ZDHHC20: variants seen among roughly 807,000 people sequenced by gnomAD.
The protein encoded by ZDHHC20 is zDHHC palmitoyltransferase 20.
ZDHHC20 carries 43 observed loss-of-function variants against 57.8 expected under a neutral mutation model. The observed-to-expected ratio is 0.74, with a 90% confidence interval of 0.58 to 0.96. The LOEUF (loss-of-function observed/expected upper bound fraction) is 0.96. Ranked by LOEUF, ZDHHC20 falls within the 40% of genes least tolerant of loss-of-function variation. ZDHHC20 has a pLI of 0.00. For missense variants in ZDHHC20, 391 were observed against 441.1 expected, an observed-to-expected ratio of 0.89 and a Z score of 1.02; for synonymous variants, 157 against 153.0, an observed-to-expected ratio of 1.03 and a Z score of -0.19.
chr13:21,435,550 T>A (rs1430370687), intron 1 of ZDHHC20, among the ~76,000 whole-genome samples: 2 of 152,160 alleles, frequency 1.3e-5, no homozygotes, highest in Admixed American at 6.5e-5. Context: ...AGATTATAAT[T>A]CACAAAATAG....
intron 12 of ZDHHC20, among the ~76,000 whole-genome samples, chr13:21,377,490 C>T (rs1346300940): frequency 1.1e-5 from 1 of 92,588 alleles, no homozygotes; most frequent in Non-Finnish European, 2.2e-5. Context: ...TCTGACTCTG[C>T]CCGACGTGAC....
chr13:21,426,610 T>TTC (rs1430059774), intron 1 of ZDHHC20, among the ~76,000 whole-genome samples: 1 of 149,204 alleles, frequency 6.7e-6, no homozygotes, highest in South Asian at 2.1e-4. Context: ...TCCTTTTCTT[T>TTC]TTTTTTTTTT....
At chr13:21,425,509 C>T in intron 2 of ZDHHC20, 143 bp downstream of exon 2, 1 of 537,178 alleles carries the variant, frequency 1.9e-6, no homozygotes. Context: ...ATTACTAGAT[C>T]TCCTTTTAAT....
chr13:21,418,798 C>T (rs754226440), intron 3 of ZDHHC20, among the ~76,000 whole-genome samples: 7 of 152,130 alleles, frequency 4.6e-5, no homozygotes, highest in African/African-American at 7.2e-5. Context: ...CTCAGCCTCC[C>T]GAGTAGCTGG....
rs1187509093 is a variant in ZDHHC20, at chr13:21,440,781, T to C, written c.119-15103A>G. 2.6e-5 allele frequency among the ~76,000 whole-genome samples: 4 copies of C among 152,206 alleles called. No individual in the cohort carries two copies. The East Asian group carries it at 7.7e-4, about 29-fold the overall frequency. ...TCCCATCTTTTCCTCTGTAATTTGATGTGCTATTTTTACAATATTCTAAAT... is the reference window on the plus strand; with the variant it reads ...TCCCATCTTTTCCTCTGTAATTTGACGTGCTATTTTTACAATATTCTAAAT... On this transcript the variant is annotated intron_variant, in intron 1 of 12. Coordinates refer to ENST00000400590, the MANE Select transcript of ZDHHC20 (RefSeq NM_001330059.2).
Position 21,459,067 on chromosome 13 carries a change from C to CA in ZDHHC20, c.104dup (p.Glu36GlyfsTer11). On this transcript the variant is annotated frameshift_variant, in exon 1 of 13. Coordinates refer to ENST00000400590, the MANE Select transcript of ZDHHC20 (RefSeq NM_001330059.2). LOFTEE classifies it high-confidence loss of function. ...GACGGTACTCACACACGCAGAGCTC[C>CA]ACCACGTACGCGTAGTAGGACCAGA... 6.2e-7 allele frequency: 1 copy of CA among 1,603,766 alleles called. No individual in the cohort carries two copies.
At chr13:21,441,535 G>A (rs949834750) in intron 1 of ZDHHC20, among the ~76,000 whole-genome samples, 14 of 136,114 alleles carry the variant, frequency 1.0e-4, no homozygotes, top group Admixed American at 5.4e-4. Context: ...ACAGGCGCCC[G>A]CCACCACGCC....
intron 1 of ZDHHC20, among the ~76,000 whole-genome samples, chr13:21,430,663 T>C (rs553280806): frequency 1.3e-5 from 2 of 152,292 alleles, no homozygotes; most frequent in Admixed American, 6.5e-5. Flanking sequence ...TCTTACTAGG[T>C]TGTCCCTTTC....
intron 1 of ZDHHC20, among the ~76,000 whole-genome samples, chr13:21,433,572 A>G (rs1651985285): frequency 1.5e-5 from 2 of 131,360 alleles, no homozygotes; most frequent in Non-Finnish European, 3.1e-5. Context: ...AGCCGAGATC[A>G]CTCCACTGCA....
chr13:21,440,727 T>A (rs1883061950), intron 1 of ZDHHC20, among the ~76,000 whole-genome samples: 1 of 152,186 alleles, frequency 6.6e-6, no homozygotes, highest in Admixed American at 6.5e-5. Context: ...TGGACCTGAT[T>A]TTACTCTTAG....
At position 21,372,854 on chromosome 13, in the gene ZDHHC20, G is replaced by GTT. The variant is rs1251301217; in HGVS notation, c.*3841_*3842insAA. The GTT allele has an allele frequency of 2.0e-5, 3 of 152,038 alleles. No individual in the cohort carries two copies. Among genetic ancestry groups the GTT allele is most frequent in the Non-Finnish European group, 2.9e-5 (2 of 67,986 alleles). 9.4% of individuals were successfully genotyped at this position (152,038 alleles called of 1,614,324 possible). Reference sequence around the variant, plus strand: ...ATAGTGTCCATCTTTTCTTTTAAACGGGCATAGACTCATTTGCAGTCATGT... The same window carrying GTT: ...ATAGTGTCCATCTTTTCTTTTAAACGTTGGCATAGACTCATTTGCAGTCATGT... On this transcript the variant is annotated 3_prime_UTR_variant, in exon 13 of 13. Transcript: ENST00000400590.
intron 4 of ZDHHC20, among the ~76,000 whole-genome samples, chr13:21,411,534 T>A (rs61630790): frequency 6.6e-6 from 1 of 152,156 alleles, no homozygotes; most frequent in Admixed American, 6.5e-5. Context: ...AGTGGTAACA[T>A]CAGGAATGAG....
chr13:21,391,635 T>C (rs1228193871), intron 8 of ZDHHC20, 87 bp downstream of exon 8: 87 of 1,389,480 alleles, frequency 6.3e-5, no homozygotes, highest in Non-Finnish European at 4.9e-6. Context: ...TACACTTCTG[T>C]ATCATCTGAC....
chr13:21,443,357 G>T (rs1007275990), intron 1 of ZDHHC20, among the ~76,000 whole-genome samples: 1 of 152,122 alleles, frequency 6.6e-6, no homozygotes, highest in Non-Finnish European at 1.5e-5. Flanking sequence ...ACTCGGGATA[G>T]GGTTCTCATC....
At chr13:21,430,793 A>G (rs1223529652) in intron 1 of ZDHHC20, among the ~76,000 whole-genome samples, 1 of 152,126 alleles carries the variant, frequency 6.6e-6, no homozygotes, top group Non-Finnish European at 1.5e-5. Flanking sequence ...TAGGGAACAC[A>G]CCACCATGTT....
chr13:21,452,632 A>G (rs950865206), intron 1 of ZDHHC20, among the ~76,000 whole-genome samples: 1 of 152,194 alleles, frequency 6.6e-6, no homozygotes, highest in Non-Finnish European at 1.5e-5. Flanking sequence ...TAGTAGCAAT[A>G]CAGTGTGAGG....
At chr13:21,424,835 A>G (rs1881074113) in intron 2 of ZDHHC20, among the ~76,000 whole-genome samples, 2 of 152,298 alleles carry the variant, frequency 1.3e-5, no homozygotes, top group Non-Finnish European at 2.9e-5. Flanking sequence ...CTTCCAACAT[A>G]CAGGAAACAT....
At chr13:21,426,962 A>T (rs939682572) in intron 1 of ZDHHC20, among the ~76,000 whole-genome samples, 9 of 152,020 alleles carry the variant, frequency 5.9e-5, no homozygotes, top group African/African-American at 1.9e-4. Context: ...ATTCTAAACA[A>T]ATTGTGGTTT....
intron 1 of ZDHHC20, among the ~76,000 whole-genome samples, chr13:21,447,034 G>C (rs1402115674): frequency 6.6e-6 from 1 of 152,020 alleles, no homozygotes; most frequent in East Asian, 1.9e-4. Context: ...GTATTAATTT[G>C]AAAAAGACCA....
Sources: gnomAD v4.1 joint callset for allele counts (sites outside exome capture counted in the v4.1 genomes callset) on GRCh38, gnomAD v4.1.1 for gene constraint, MANE v1.5 for transcripts, NCBI Gene and HGNC (gene_info 2026-07-23, HGNC 2026-07-21) for gene names.